UBAC2: variants seen among roughly 807,000 people sequenced by gnomAD.
UBAC2 encodes the protein UBA domain containing 2.
In UBAC2, 26 loss-of-function variants were observed where a neutral mutation model predicts 44.0. The ratio of observed to expected loss-of-function variants is 0.59; its 90% CI spans 0.43 to 0.82. UBAC2 has a LOEUF of 0.82. Ranked by LOEUF, UBAC2 falls within the 40% of genes least tolerant of loss-of-function variation. UBAC2 has a pLI of 0.00. For synonymous variants in UBAC2, 155 were observed against 154.3 expected (o/e 1.00, Z -0.04); for missense variants, 329 against 419.4 (o/e 0.78, Z 1.88).
chr13:99,356,775 A>G (rs1476104380), intron 7 of UBAC2, among the ~76,000 whole-genome samples: 2 of 152,192 alleles, frequency 1.3e-5, no homozygotes, highest in African/African-American at 2.4e-5. Context: ...TAAGGTTCCT[A>G]TTTTTAAGAC....
At chr13:99,375,285 G>T (rs141333448) in intron 8 of UBAC2, among the ~76,000 whole-genome samples, 2 of 151,866 alleles carry the variant, frequency 1.3e-5, no homozygotes, top group African/African-American at 4.8e-5. Context: ...GTGAAAGGAG[G>T]GGGGATCTGC....
intron 7 of UBAC2, among the ~76,000 whole-genome samples, chr13:99,353,545 G>A (rs1422215890): frequency 1.3e-5 from 2 of 152,176 alleles, no homozygotes; most frequent in Non-Finnish European, 2.9e-5. Context: ...GATGTACTTG[G>A]CTTTTTGAAG....
rs562407734 is a variant in UBAC2 at position 99,249,443 on chromosome 13, G to A, written c.389+4819G>A. Among the ~76,000 whole-genome samples the A allele has an allele frequency of 3.3e-5, 5 of 152,138 alleles. No homozygotes were observed. The South Asian group carries it at 1.0e-3, about 32-fold the overall frequency. The stretch of plus-strand genomic sequence containing the variant: ...TATTTTCTTTATCCAGTCCATTGCT[G>A]ATGGGCACTTAGGTTGATTCCATGT... On this transcript the variant is annotated intron_variant, in intron 4 of 8. Coordinates refer to ENST00000403766, the MANE Select transcript of UBAC2 (RefSeq NM_001144072.2).
At position 99,373,171 on chromosome 13, in the gene UBAC2, G is replaced by GT. The variant is rs58290528; in HGVS notation, c.927+5282dup. Among the ~76,000 whole-genome samples, 676 of 140,016 alleles carry GT rather than the reference G, an allele frequency of 4.8e-3. 11 individuals carry two copies. The highest frequency in any genetic ancestry group is 9.1e-3 in the East Asian group (44 of 4,850). 91.9% of individuals were successfully genotyped at this position (140,016 alleles called of 152,430 possible). The stretch of plus-strand genomic sequence containing the variant: ...TTATTCCATCTCTCTCTTTTTTATT[G>GT]TTTTTTTTTTTTTTTTTAAACAGGT... On this transcript the variant is annotated intron_variant, in intron 8 of 8. Coordinates refer to ENST00000403766, the MANE Select transcript of UBAC2 (RefSeq NM_001144072.2).
chr13:99,366,749 A>T (rs964206847), intron 7 of UBAC2, among the ~76,000 whole-genome samples: 1 of 152,160 alleles, frequency 6.6e-6, no homozygotes, highest in African/African-American at 2.4e-5. Flanking sequence ...GAACTCAAAC[A>T]GTGATAGAAC....
At chr13:99,202,634 T>A (rs1219402861) in intron 1 of UBAC2, among the ~76,000 whole-genome samples, 1 of 152,228 alleles carries the variant, frequency 6.6e-6, no homozygotes, top group Non-Finnish European at 1.5e-5. Context: ...TATTTTGTTA[T>A]CTATGGCACA....
chr13:99,260,002 T>C (rs1325119115), intron 4 of UBAC2, among the ~76,000 whole-genome samples: 2 of 152,234 alleles, frequency 1.3e-5, no homozygotes, highest in African/African-American at 4.8e-5. Context: ...TTCCTCATCT[T>C]GCTCTCCATT....
At chr13:99,246,946 CAATT>C (rs2043391199) in intron 4 of UBAC2, among the ~76,000 whole-genome samples, 1 of 152,160 alleles carries the variant, frequency 6.6e-6, no homozygotes, top group Non-Finnish European at 1.5e-5. Flanking sequence ...TTTTGGAACA[CAATT>C]AGTTCAACAA....
At chr13:99,298,678 T>G (rs2044212997) in intron 4 of UBAC2, among the ~76,000 whole-genome samples, 1 of 152,140 alleles carries the variant, frequency 6.6e-6, no homozygotes, top group Non-Finnish European at 1.5e-5. Context: ...AGTTTTACAT[T>G]TTGTGCAGGA....
intron 4 of UBAC2, among the ~76,000 whole-genome samples, chr13:99,286,843 G>A (rs1323830210): frequency 6.6e-6 from 1 of 152,210 alleles, no homozygotes; most frequent in African/African-American, 2.4e-5. Context: ...AATGTGGCCA[G>A]TGCGCGTCCC....
intron 4 of UBAC2, among the ~76,000 whole-genome samples, chr13:99,293,932 G>C (rs2044128927): frequency 6.6e-6 from 1 of 152,092 alleles, no homozygotes; most frequent in South Asian, 2.1e-4. Context: ...AAAAATTGGT[G>C]TCATTGCCAA....
At chr13:99,353,427 G>T (rs993022643) in intron 7 of UBAC2, among the ~76,000 whole-genome samples, 1 of 152,194 alleles carries the variant, frequency 6.6e-6, no homozygotes, top group Non-Finnish European at 1.5e-5. Flanking sequence ...GACTCATTAA[G>T]TGACCTTGAG....
At chr13:99,378,171 T>C (rs564256700) in intron 8 of UBAC2, among the ~76,000 whole-genome samples, 1 of 152,316 alleles carries the variant, frequency 6.6e-6, no homozygotes, top group African/African-American at 2.4e-5. Context: ...CTCAGAACCA[T>C]CTCAGCTATT....
rs377732648 is a variant in UBAC2, at chr13:99,348,276, G to A, written c.807+7711G>A. On this transcript the variant is annotated intron_variant, in intron 7 of 8. Coordinates refer to ENST00000403766, the MANE Select transcript of UBAC2 (RefSeq NM_001144072.2). ...CGCCTTCAAGAAGTTTGCAGCCAGC[G>A]AGGGGAAGACATGAGGCTGTACTAG... 7.2e-5 allele frequency among the ~76,000 whole-genome samples: 11 copies of A among 152,334 alleles called. No homozygotes were observed. In the South Asian group the frequency reaches 1.2e-3, roughly 17 times the overall value.
At chr13:99,348,395 C>T (rs1034895941) in intron 7 of UBAC2, among the ~76,000 whole-genome samples, 1 of 152,062 alleles carries the variant, frequency 6.6e-6, no homozygotes, top group African/African-American at 2.4e-5. Flanking sequence ...AGGGATACAG[C>T]GAGGGTAATC....
At chr13:99,278,345 C>T (rs1366084802) in intron 4 of UBAC2, among the ~76,000 whole-genome samples, 2 of 151,996 alleles carry the variant, frequency 1.3e-5, no homozygotes, top group South Asian at 2.1e-4. Context: ...TTCTCGGGCG[C>T]GTGAAGGGAT....
chr13:99,230,803 C>T (rs545934303), intron 1 of UBAC2, among the ~76,000 whole-genome samples: 21 of 152,268 alleles, frequency 1.4e-4, no homozygotes, highest in Admixed American at 9.8e-4. Flanking sequence ...GTAATCCTAG[C>T]GCTTTGGGAG....
intron 4 of UBAC2, among the ~76,000 whole-genome samples, chr13:99,312,078 A>G (rs1396123796): frequency 6.6e-6 from 1 of 152,204 alleles, no homozygotes; most frequent in African/African-American, 2.4e-5. Flanking sequence ...TGTTGATAGC[A>G]GTTGATGCGG....
chr13:99,339,996 A>G (rs1399849708), intron 6 of UBAC2, among the ~76,000 whole-genome samples: 1 of 152,246 alleles, frequency 6.6e-6, no homozygotes, highest in African/African-American at 2.4e-5. Flanking sequence ...AAGTGTTTCA[A>G]TAATCAGATC....
Sources: gnomAD v4.1 joint callset for allele counts (sites outside exome capture counted in the v4.1 genomes callset) on GRCh38, gnomAD v4.1.1 for gene constraint, MANE v1.5 for transcripts, NCBI Gene and HGNC (gene_info 2026-07-23, HGNC 2026-07-21) for gene names.